APOLD1: variants seen among roughly 807,000 people sequenced by gnomAD.
The protein encoded by APOLD1 is apolipoprotein L domain containing 1, also known as apolipoprotein L domain-containing protein 1.
A neutral mutation model predicts 15.3 loss-of-function variants in APOLD1; 22 were observed. The ratio of observed to expected loss-of-function variants is 1.44; its 90% CI spans 1.03 to 2.05. The LOEUF is 2.05. Ranked by LOEUF, APOLD1 falls within the 30% of genes most tolerant of loss-of-function variation. The pLI, the probability that APOLD1 is intolerant of heterozygous loss-of-function variation, is 0.00. For synonymous variants in APOLD1, 190 were observed against 167.4 expected, an observed-to-expected ratio of 1.13 and a Z score of -1.04; for missense variants, 394 against 353.5, an observed-to-expected ratio of 1.11 and a Z score of -0.92.
At chr12:12,741,003 T>G (rs541974146) in intron 1 of APOLD1, among the ~76,000 whole-genome samples, 3 of 152,212 alleles carry the variant, frequency 2.0e-5, no homozygotes, top group African/African-American at 7.2e-5. Context: ...TAGCAGAGGT[T>G]ACCTGGGAAA....
At chr12:12,729,504 C>T (rs1946620188) in intron 1 of APOLD1, among the ~76,000 whole-genome samples, 1 of 152,074 alleles carries the variant, frequency 6.6e-6, no homozygotes, top group Non-Finnish European at 1.5e-5. Flanking sequence ...AAGTGATACT[C>T]CTGCCTTGGT....
At chr12:12,774,157 C>G (rs1947010004) in intron 1 of APOLD1, among the ~76,000 whole-genome samples, 1 of 152,016 alleles carries the variant, frequency 6.6e-6, no homozygotes, top group Non-Finnish European at 1.5e-5. Flanking sequence ...AAAAGGCAAG[C>G]CACAGACTGG....
chr12:12,730,764 G>T (rs994059768), intron 1 of APOLD1, among the ~76,000 whole-genome samples: 38 of 148,424 alleles, frequency 2.6e-4, no homozygotes, highest in African/African-American at 9.3e-4. Flanking sequence ...CTCTCATAGG[G>T]TATTAAAAGT....
rs1489204217 is a variant in APOLD1 at position 12,787,573 on chromosome 12, G to A, written c.668G>A (p.Arg223Gln). 21 of 1,612,958 alleles carry A rather than the reference G, an allele frequency of 1.3e-5. No homozygotes were observed. Among genetic ancestry groups the A allele is most frequent in the Non-Finnish European group, 1.7e-5 (20 of 1,180,040 alleles). ...GAACTCAGCGAGCAGCTGGAGTCTCGGGTTCAGCTCTGCACCAAGTCCAGT... is the reference window on the plus strand; with the variant it reads ...GAACTCAGCGAGCAGCTGGAGTCTCAGGTTCAGCTCTGCACCAAGTCCAGT... ...LDELSEQLES[R>Q]VQLCTKSSRG... The change falls in exon 2 of 2, where the codon CGG (arginine) becomes CAG (glutamine). Residue 223 changes from arginine to glutamine, a missense_variant. Physicochemically the swap from Arg to Gln is conservative, Grantham distance 43 (BLOSUM62 1). Coordinates refer to ENST00000356591, the MANE Select transcript of APOLD1 (RefSeq NM_030817.3). This position sits in a 1 kb window ranked among gnomAD's most constrained non-coding sequence, Gnocchi z 4.9.
chr12:12,769,806 G>C (rs1946971913), intron 1 of APOLD1, among the ~76,000 whole-genome samples: 1 of 152,184 alleles, frequency 6.6e-6, no homozygotes, highest in African/African-American at 2.4e-5. Context: ...AGAAGCACCT[G>C]TGAAGTTCAC....
chr12:12,746,253 C>A (rs530047596), intron 1 of APOLD1, among the ~76,000 whole-genome samples: 1 of 152,160 alleles, frequency 6.6e-6, no homozygotes, highest in Admixed American at 6.5e-5. Flanking sequence ...CCCAGCACTT[C>A]GGGAAGCCGA....
At chr12:12,781,259 A>C (rs1947077405), upstream of APOLD1, among the ~76,000 whole-genome samples, 2 of 152,138 alleles carry the variant, frequency 1.3e-5, no homozygotes, top group Admixed American at 1.3e-4. Context: ...CCTGGCCAAC[A>C]TGATGAAACC....
At chr12:12,730,547 G>A (rs545477718) in intron 1 of APOLD1, among the ~76,000 whole-genome samples, 4 of 151,616 alleles carry the variant, frequency 2.6e-5, no homozygotes, top group Non-Finnish European at 4.4e-5. Context: ...CGGGCGTGGT[G>A]GCAGGCACCT....
At chr12:12,765,657 G>A (rs1946938232) in intron 1 of APOLD1, among the ~76,000 whole-genome samples, 1 of 152,156 alleles carries the variant, frequency 6.6e-6, no homozygotes, top group South Asian at 2.1e-4. Flanking sequence ...GATTGCTTGA[G>A]CCCAGGAATT....
upstream of APOLD1, among the ~76,000 whole-genome samples, chr12:12,781,409 C>G (rs1189300454): frequency 1.3e-5 from 2 of 152,004 alleles, no homozygotes; most frequent in African/African-American, 4.8e-5. Context: ...GCGTCATTGC[C>G]TAGGCAACAA....
At chr12:12,770,780 T>TA (rs59764569) in intron 1 of APOLD1, among the ~76,000 whole-genome samples, 94,048 of 142,316 alleles carry the variant, frequency 0.66, 30,916 homozygotes, top group East Asian at 0.84. Flanking sequence ...GAATACATGT[T>TA]AAAAAAAAAA....
intron 1 of APOLD1, among the ~76,000 whole-genome samples, chr12:12,776,031 A>AC (rs1947031416): frequency 6.7e-6 from 1 of 149,800 alleles, no homozygotes; most frequent in Admixed American, 6.7e-5. Flanking sequence ...AAAAAACACA[A>AC]CAAACAAACA....
At chr12:12,728,690 A>AAAAAAAAAAAAAG (rs779176543) in intron 1 of APOLD1, among the ~76,000 whole-genome samples, 2 of 139,328 alleles carry the variant, frequency 1.4e-5, no homozygotes, top group Non-Finnish European at 1.6e-5. Flanking sequence ...AAAAAAAAAA[A>AAAAAAAAAAAAAG]AGAGAGAGAA....
rs894484732 is a variant in APOLD1, at chr12:12,777,426, T to C, written c.97-9483T>C. The stretch of plus-strand genomic sequence containing the variant: ...GGTTCTTTAGAACTCCATGGTCCTT[T>C]CCCATGTTCAAGTATGTGTTCCCTC... On this transcript the variant is annotated intron_variant, in intron 1 of 1. Coordinates refer to the APOLD1 transcript ENST00000326765. Among the ~76,000 whole-genome samples, 3 of 152,218 alleles carry C rather than the reference T, an allele frequency of 2.0e-5. No individual in the cohort carries two copies. The East Asian group carries it at 5.8e-4, about 29-fold the overall frequency.
chr12:12,765,016 C>T (rs955409382), intron 1 of APOLD1, among the ~76,000 whole-genome samples: 1 of 152,174 alleles, frequency 6.6e-6, no homozygotes, highest in Admixed American at 6.5e-5. Flanking sequence ...TTGGAACCTT[C>T]ATTTCCAGCC....
At chr12:12,748,508 CT>C (rs1475358936) in intron 1 of APOLD1, among the ~76,000 whole-genome samples, 1 of 152,166 alleles carries the variant, frequency 6.6e-6, no homozygotes, top group Non-Finnish European at 1.5e-5. Context: ...ATACATAATG[CT>C]TGTGGATATT....
At chr12:12,771,537 T>G in intron 1 of APOLD1, 1 of 521,142 alleles carries the variant, frequency 1.9e-6, no homozygotes, top group South Asian at 1.4e-5. Flanking sequence ...TCCATCCAAT[T>G]CATTCCCAAT....
chr12:12,761,165 G>C (rs919642748), intron 1 of APOLD1, among the ~76,000 whole-genome samples: 1 of 152,100 alleles, frequency 6.6e-6, no homozygotes, highest in Non-Finnish European at 1.5e-5. Flanking sequence ...TAATACACTT[G>C]GGAACTACTG....
chr12:12,741,708 T>A (rs1377002390), intron 1 of APOLD1, among the ~76,000 whole-genome samples: 1 of 152,242 alleles, frequency 6.6e-6, no homozygotes, highest in Non-Finnish European at 1.5e-5. Context: ...GTTCTCTCTG[T>A]ACAGTTATAT....
Sources: allele counts gnomAD v4.1 joint callset (sites outside exome capture counted in the v4.1 genomes callset), GRCh38; gene constraint gnomAD v4.1.1; non-coding constraint Gnocchi (gnomAD v3.1); transcripts MANE v1.5; gene names NCBI Gene and HGNC (gene_info 2026-07-23, HGNC 2026-07-21).